Variants in MBNL2 observed in about 807,000 individuals in gnomAD.
The protein encoded by MBNL2 is muscleblind-like protein 2.
MBNL2 carries 17 observed loss-of-function variants against 41.9 expected under a neutral mutation model. That is an observed-to-expected ratio of 0.41 (90% CI 0.28 to 0.61). The LOEUF is 0.61. MBNL2 is among the 20% of genes least tolerant of loss of function. MBNL2 has a pLI of 0.35. For synonymous variants in MBNL2, 195 were observed against 182.9 expected (o/e 1.07, Z -0.53); for missense variants, 336 against 505.6 (o/e 0.66, Z 3.22).
upstream of MBNL2, among the ~76,000 whole-genome samples, chr13:97,218,440 C>CAAAAAAAAAAAAAA (rs372883729): frequency 3.4e-5 from 4 of 117,966 alleles, no homozygotes; most frequent in African/African-American, 1.0e-4. Context: ...CAAAACAAAA[C>CAAAAAAAAAAAAAA]AAAAAAAAAA....
rs763904189 is a variant in MBNL2 at position 97,347,079 on chromosome 13, C to T, written c.804+12C>T. On this transcript the variant is annotated intron_variant, in intron 5 of 8. Transcript: ENST00000679496. ...CGGCCACAGTCATGGTAAGTGCGGC[C>T]GCCCGCCGCCCCTGCACCCCGGCGC... 4.1e-5 allele frequency: 63 copies of T among 1,526,358 alleles called. No homozygotes were observed. Among genetic ancestry groups the T allele is most frequent in the East Asian group, 7.3e-5 (3 of 41,286 alleles). The allele number at this position is 1,526,358 out of a possible 1,614,324, so 94.6% of individuals were successfully genotyped here.
chr13:97,156,854 G>T, the MBNL2 span, among the ~76,000 whole-genome samples: 2 of 152,120 alleles, frequency 1.3e-5, no homozygotes, highest in African/African-American at 2.4e-5. Context: ...TGTTCTTTTG[G>T]CTTAGGATTG....
chr13:97,252,188 G>T (rs1020554752), intron 1 of MBNL2, among the ~76,000 whole-genome samples: 2 of 152,126 alleles, frequency 1.3e-5, no homozygotes, highest in African/African-American at 4.8e-5. Flanking sequence ...TCTCTTTCAA[G>T]AAATTATTAG....
intron 8 of MBNL2, among the ~76,000 whole-genome samples, chr13:97,365,961 C>T (rs1165576308): frequency 6.6e-6 from 1 of 151,374 alleles, no homozygotes; most frequent in African/African-American, 2.4e-5. Context: ...TATAAGCAGT[C>T]CTAAATTGAA....
At chr13:97,354,492 C>T (rs2062811087) in intron 5 of MBNL2, among the ~76,000 whole-genome samples, 2 of 152,130 alleles carry the variant, frequency 1.3e-5, no homozygotes, top group African/African-American at 2.4e-5. Context: ...AGATCTGCCT[C>T]TAATAAAGAA....
chr13:97,241,860 T>C (rs1254023727), intron 1 of MBNL2, among the ~76,000 whole-genome samples: 1 of 152,158 alleles, frequency 6.6e-6, no homozygotes, highest in Non-Finnish European at 1.5e-5. Flanking sequence ...GGGCCTTGTG[T>C]TGAGCTTAGA....
intron 1 of MBNL2, among the ~76,000 whole-genome samples, chr13:97,252,802 A>C (rs897799234): frequency 1.3e-5 from 2 of 152,266 alleles, no homozygotes; most frequent in East Asian, 1.9e-4. Context: ...TGGCTATATA[A>C]TCATATCATC....
chr13:97,270,048 T>C (rs1594124578), intron 1 of MBNL2, among the ~76,000 whole-genome samples: 1 of 152,190 alleles, frequency 6.6e-6, no homozygotes, highest in Admixed American at 6.5e-5. Flanking sequence ...ATGAAGAAGG[T>C]GGGTCTCAAA....
At chr13:97,380,053 T>G (rs2065293027) in intron 8 of MBNL2, among the ~76,000 whole-genome samples, 1 of 152,218 alleles carries the variant, frequency 6.6e-6, no homozygotes, top group Non-Finnish European at 1.5e-5. Context: ...TCTTCTTGCA[T>G]TAAAAATTCT....
Position 97,252,974 on chromosome 13 carries a change from T to C in MBNL2, c.-604-22658T>C, listed in dbSNP as rs949038126. 7.9e-5 allele frequency among the ~76,000 whole-genome samples: 12 copies of C among 152,242 alleles called. 1 individual carries two copies. The highest frequency in any genetic ancestry group is 2.4e-5 in the African/African-American group (1 of 41,468). ...ATAAATGGTTAGTGACAGAGGTCTC[T>C]CTCTATTTTACATCTTGTTGTGAAT... On this transcript the variant is annotated intron_variant, in intron 1 of 8. Transcript: ENST00000679496.
chr13:97,374,266 G>C (rs2064738062), intron 8 of MBNL2, among the ~76,000 whole-genome samples: 1 of 151,370 alleles, frequency 6.6e-6, no homozygotes, highest in Admixed American at 6.6e-5. Context: ...TCCTGCCTCA[G>C]CCTCCCGAGT....
chr13:97,143,377 G>A, the MBNL2 span, among the ~76,000 whole-genome samples: 1 of 152,284 alleles, frequency 6.6e-6, no homozygotes, highest in Non-Finnish European at 1.5e-5. Flanking sequence ...TTCTTTGAAG[G>A]ACCTTCCTGC....
chr13:97,305,175 G>A (rs2058016122), intron 2 of MBNL2, among the ~76,000 whole-genome samples: 1 of 152,222 alleles, frequency 6.6e-6, no homozygotes, highest in African/African-American at 2.4e-5. Context: ...CTTATCAGGA[G>A]TTCTGGTTAA....
intron 2 of MBNL2, among the ~76,000 whole-genome samples, chr13:97,324,939 G>T (rs1006339476): frequency 6.6e-6 from 1 of 152,150 alleles, no homozygotes; most frequent in Non-Finnish European, 1.5e-5. Flanking sequence ...CAGCCGATTA[G>T]ATGGTGCCCA....
chr13:97,237,951 G>A (rs1024896552), intron 1 of MBNL2, among the ~76,000 whole-genome samples: 4 of 152,166 alleles, frequency 2.6e-5, no homozygotes, highest in African/African-American at 4.8e-5. Flanking sequence ...AGCAACTTAC[G>A]AAGAGCATGG....
chr13:97,353,941 A>G (rs1231538555), intron 5 of MBNL2, among the ~76,000 whole-genome samples: 1 of 150,286 alleles, frequency 6.7e-6, no homozygotes, highest in East Asian at 2.0e-4. Context: ...CATTGTTGTC[A>G]GTGTTTTCTG....
chr13:97,361,815 G>A (rs1203627886), intron 7 of MBNL2, among the ~76,000 whole-genome samples: 3 of 130,754 alleles, frequency 2.3e-5, no homozygotes, highest in Non-Finnish European at 4.6e-5. Flanking sequence ...TGTCACCCAG[G>A]CTGGAGTGCA....
At chr13:97,306,188 T>C (rs1311893897) in intron 2 of MBNL2, among the ~76,000 whole-genome samples, 1 of 152,236 alleles carries the variant, frequency 6.6e-6, no homozygotes, top group Non-Finnish European at 1.5e-5. Flanking sequence ...TAATAGGAGA[T>C]TTCAGATGAC....
intron 2 of MBNL2, among the ~76,000 whole-genome samples, chr13:97,296,402 C>A (rs1268356401): frequency 6.6e-6 from 1 of 152,112 alleles, no homozygotes; most frequent in East Asian, 1.9e-4. Flanking sequence ...GGGAACAGAA[C>A]AAGATTCATG....
Sources: gnomAD v4.1 joint callset for allele counts (sites outside exome capture counted in the v4.1 genomes callset) on GRCh38, gnomAD v4.1.1 for gene constraint, MANE v1.5 for transcripts, NCBI Gene and HGNC (gene_info 2026-07-23, HGNC 2026-07-21) for gene names.